Variants in CBLN2 observed in about 807,000 individuals in gnomAD.
CBLN2 encodes the protein cerebellin-2.
In CBLN2, 7 loss-of-function variants were observed where a neutral mutation model predicts 15.0. That is an observed-to-expected ratio of 0.47 (90% CI 0.27 to 0.88). The LOEUF is 0.88. Ranked by LOEUF, CBLN2 falls within the 40% of genes least tolerant of loss-of-function variation. CBLN2 has a pLI of 0.14. For synonymous variants in CBLN2, 149 were observed against 135.2 expected, an observed-to-expected ratio of 1.10 and a Z score of -0.71; for missense variants, 242 against 304.5, an observed-to-expected ratio of 0.79 and a Z score of 1.53.
At chr18:72,591,340 C>A (rs529837984) in intron 1 of CBLN2, among the ~76,000 whole-genome samples, 2 of 152,068 alleles carry the variant, frequency 1.3e-5, no homozygotes, top group African/African-American at 4.8e-5. Context: ...TATATTATTG[C>A]TTTGCATAAC....
intron 1 of CBLN2, among the ~76,000 whole-genome samples, chr18:72,578,897 A>G (rs958872979): frequency 1.3e-5 from 2 of 152,154 alleles, no homozygotes; most frequent in African/African-American, 4.8e-5. Flanking sequence ...TCCTGAAAGC[A>G]CCCTTCACCT....
Position 72,605,016 on chromosome 18 carries a change from A to G in CBLN2, c.15+33309T>C, listed in dbSNP as rs145488965. The stretch of plus-strand genomic sequence containing the variant: ...GTCACAGAAGAAAAACTGGTGGATT[A>G]GAGAAAATTTCTAGGAGAAATGTCC... On this transcript the variant is annotated intron_variant, in intron 1 of 2. Coordinates refer to the CBLN2 transcript ENST00000581073. Among the ~76,000 whole-genome samples the G allele has an allele frequency of 2.2e-3, 337 of 152,344 alleles. 1 individual carries two copies. The highest frequency in any genetic ancestry group is 2.5e-3 in the Non-Finnish European group (170 of 68,026).
At chr18:72,599,764 T>C (rs962797750) in intron 1 of CBLN2, among the ~76,000 whole-genome samples, 13 of 152,174 alleles carry the variant, frequency 8.5e-5, no homozygotes, top group African/African-American at 2.9e-4. Flanking sequence ...AGAGCACAAA[T>C]GATGGATCTG....
chr18:72,599,017 G>C (rs2069530894), intron 1 of CBLN2, among the ~76,000 whole-genome samples: 1 of 151,862 alleles, frequency 6.6e-6, no homozygotes, highest in African/African-American at 2.4e-5. Flanking sequence ...ACCAGGTACT[G>C]TGATCACTCA....
chr18:72,595,595 T>C (rs2069508317), intron 1 of CBLN2, among the ~76,000 whole-genome samples: 1 of 152,170 alleles, frequency 6.6e-6, no homozygotes, highest in Non-Finnish European at 1.5e-5. Flanking sequence ...GTCTGGATGA[T>C]CTGTCCAATG....
At chr18:72,601,806 G>A (rs78491123) in intron 1 of CBLN2, among the ~76,000 whole-genome samples, 2,030 of 152,264 alleles carry the variant, frequency 0.013, 57 homozygotes, top group African/African-American at 0.047. Flanking sequence ...GCGCTCACTG[G>A]TGCTCCCCCT....
chr18:72,541,623 T>A (rs922581975), intron 3 of CBLN2, among the ~76,000 whole-genome samples, 181 bp downstream of exon 3: 1 of 152,058 alleles, frequency 6.6e-6, no homozygotes, highest in South Asian at 2.1e-4. Flanking sequence ...AAAGCCAAAA[T>A]GTGGAAAAGG....
At chr18:72,613,185 A>C (rs2144956618) in intron 1 of CBLN2, among the ~76,000 whole-genome samples, 1 of 152,328 alleles carries the variant, frequency 6.6e-6, no homozygotes, top group East Asian at 1.9e-4. Flanking sequence ...CATGTAAAAC[A>C]ATCTATTTCC....
intron 1 of CBLN2, chr18:72,619,002 A>G: frequency 1.3e-6 from 1 of 765,498 alleles, no homozygotes; most frequent in Non-Finnish European, 2.3e-6. Flanking sequence ...GTCATCATGG[A>G]TTTGGTAATG....
upstream of CBLN2, among the ~76,000 whole-genome samples, chr18:72,549,118 T>C (rs2069176796): frequency 6.6e-6 from 1 of 152,144 alleles, no homozygotes; most frequent in South Asian, 2.1e-4. Context: ...TTCAACAGAT[T>C]CTCCTGTCTC....
intron 1 of CBLN2, among the ~76,000 whole-genome samples, chr18:72,613,856 C>A (rs887984631): frequency 6.6e-6 from 1 of 152,156 alleles, no homozygotes; most frequent in African/African-American, 2.4e-5. Flanking sequence ...TCCTGTACAC[C>A]GTTGCCTTTC....
chr18:72,570,818 T>C (rs1183046789), intron 1 of CBLN2, among the ~76,000 whole-genome samples: 1 of 152,114 alleles, frequency 6.6e-6, no homozygotes, highest in Non-Finnish European at 1.5e-5. Flanking sequence ...CAACCTCAGC[T>C]GAGATTGGCT....
rs115098331 is a variant in CBLN2, at chr18:72,554,869, C to T, written c.16-16097G>A. ...AAAAATTAGTGGCCTGGTGCGGTGGCTTATGCCTGTAATCCCAACACTCTG... is the reference window on the plus strand; with the variant it reads ...AAAAATTAGTGGCCTGGTGCGGTGGTTTATGCCTGTAATCCCAACACTCTG... On this transcript the variant is annotated intron_variant, in intron 1 of 2. Transcript: ENST00000581073. 3.5e-3 allele frequency among the ~76,000 whole-genome samples: 536 copies of T among 152,216 alleles called. 4 individuals carry two copies. The highest frequency in any genetic ancestry group is 0.012 in the African/African-American group (513 of 41,534).
chr18:72,634,057 A>T (rs1220680721), intron 1 of CBLN2, among the ~76,000 whole-genome samples: 1 of 151,266 alleles, frequency 6.6e-6, no homozygotes, highest in East Asian at 1.9e-4. Context: ...TAAATAAAAA[A>T]ATAAAAATTC....
intron 1 of CBLN2, among the ~76,000 whole-genome samples, chr18:72,552,044 T>A (rs920459742): frequency 1.3e-5 from 2 of 152,196 alleles, no homozygotes; most frequent in Non-Finnish European, 2.9e-5. Flanking sequence ...TAACCTGTTT[T>A]GTCAGCGTTT....
In CBLN2 at chr18:72,543,101, G is replaced by T. The variant is rs1263745993; in HGVS notation, c.-167+385C>A. 1 of 177,396 alleles carries T rather than the reference G, an allele frequency of 5.6e-6. No individual in the cohort carries two copies. Among genetic ancestry groups the T allele is most frequent in the Non-Finnish European group, 1.2e-5 (1 of 84,740 alleles). 11.0% of individuals were successfully genotyped at this position (177,396 alleles called of 1,614,324 possible). A position where few individuals can be genotyped will look rare whatever the true frequency, so the allele number is the denominator to read the frequency against. ...AGGCTTGGGTTATTCTCCAGCTCTG[G>T]TTTCCAGACCACGGGGATTCTCTCT... On this transcript the variant is annotated intron_variant, in intron 2 of 4. Coordinates refer to ENST00000269503, the MANE Select transcript of CBLN2 (RefSeq NM_182511.4). The surrounding 1 kb of genome is among the most constrained non-coding windows in gnomAD (Gnocchi z 6.8).
chr18:72,562,669 T>C (rs35609091), intron 1 of CBLN2, among the ~76,000 whole-genome samples: 6,002 of 152,326 alleles, frequency 0.039, 339 homozygotes, highest in Admixed American at 0.17. Flanking sequence ...TGAATGCATA[T>C]TTAGAGTCTT....
intron 1 of CBLN2, among the ~76,000 whole-genome samples, chr18:72,605,762 C>G (rs1005702286): frequency 2.0e-5 from 3 of 152,204 alleles, no homozygotes; most frequent in African/African-American, 4.8e-5. Flanking sequence ...AGAGTTACTA[C>G]TAAGAAAATA....
intron 1 of CBLN2, among the ~76,000 whole-genome samples, chr18:72,584,279 C>T (rs968795750): frequency 6.6e-6 from 1 of 151,792 alleles, no homozygotes; most frequent in African/African-American, 2.4e-5. Flanking sequence ...ACACCACCCT[C>T]TTGGCTCTCT....
Sources: gnomAD v4.1 joint callset for allele counts (sites outside exome capture counted in the v4.1 genomes callset) on GRCh38, gnomAD v4.1.1 for gene constraint, Gnocchi (gnomAD v3.1) non-coding constraint, MANE v1.5 for transcripts, NCBI Gene and HGNC (gene_info 2026-07-23, HGNC 2026-07-21) for gene names.